The following ENOX1 variants were observed in gnomAD, a reference collection of about 807,000 sequenced individuals.
The protein encoded by ENOX1 is candidate growth-related and time keeping constitutive hydroquinone (NADH) oxidase.
A neutral mutation model predicts 82.5 loss-of-function variants in ENOX1; 42 were observed. That is an observed-to-expected ratio of 0.51 (90% CI 0.40 to 0.66). ENOX1 has a LOEUF of 0.66. ENOX1 is among the 30% of genes least tolerant of loss of function. ENOX1 has a pLI of 0.00. For synonymous variants in ENOX1, 271 were observed against 282.2 expected (o/e 0.96, Z 0.40); for missense variants, 608 against 811.6 (o/e 0.75, Z 3.05).
At chr13:43,491,119 G>A (rs965306227) in intron 2 of ENOX1, among the ~76,000 whole-genome samples, 1 of 152,166 alleles carries the variant, frequency 6.6e-6, no homozygotes, top group Non-Finnish European at 1.5e-5. Flanking sequence ...TACTATCATG[G>A]TGGAAGGCAA....
Position 43,214,132 on chromosome 13 carries a change from G to A in ENOX1, c.1801-11C>T. ...TTCATTTGCAGATATCTGTTAGAAA[G>A]GAAGGAAAGTCACTTTGGGGAAAGG... On this transcript the variant is annotated splice_polypyrimidine_tract_variant and intron_variant, in intron 16 of 16. Coordinates refer to ENST00000690772, the MANE Select transcript of ENOX1 (RefSeq NM_001347969.2). The A allele has an allele frequency of 6.2e-7, 1 of 1,610,856 alleles. No homozygotes were observed. The highest frequency in any genetic ancestry group is 1.1e-5 in the South Asian group (1 of 90,452).
intron 3 of ENOX1, among the ~76,000 whole-genome samples, chr13:43,456,859 T>C (rs1330884623): frequency 1.3e-5 from 2 of 152,206 alleles, no homozygotes; most frequent in South Asian, 2.1e-4. Context: ...TCATGACTCC[T>C]AAGCCTCCAC....
At chr13:43,246,744 T>C (rs1034471223) in intron 14 of ENOX1, among the ~76,000 whole-genome samples, 2 of 151,998 alleles carry the variant, frequency 1.3e-5, no homozygotes, top group African/African-American at 4.8e-5. Flanking sequence ...ACATGCAGGA[T>C]TGGCTGGGCA....
At chr13:43,308,663 C>A (rs1393971652) in intron 11 of ENOX1, among the ~76,000 whole-genome samples, 1 of 152,180 alleles carries the variant, frequency 6.6e-6, no homozygotes, top group African/African-American at 2.4e-5. Context: ...CTTTGTGCAG[C>A]GAATCACCTG....
At chr13:43,265,065 G>A (rs948211144) in intron 14 of ENOX1, among the ~76,000 whole-genome samples, 4 of 152,132 alleles carry the variant, frequency 2.6e-5, no homozygotes, top group African/African-American at 7.2e-5. Context: ...CATGCAATGC[G>A]CAACTGATTA....
intron 2 of ENOX1, among the ~76,000 whole-genome samples, chr13:43,566,995 T>G (rs2079948356): frequency 6.6e-6 from 1 of 152,194 alleles, no homozygotes; most frequent in East Asian, 1.9e-4. Context: ...CAATGAGCCC[T>G]CCCAGAGGAA....
chr13:43,619,495 T>C (rs568726763), intron 2 of ENOX1, among the ~76,000 whole-genome samples: 1 of 152,254 alleles, frequency 6.6e-6, no homozygotes, highest in East Asian at 1.9e-4. Context: ...TTTTTTTGCA[T>C]CTATTTAAAT....
At chr13:43,425,235 A>T in intron 3 of ENOX1, among the ~76,000 whole-genome samples, 1 of 152,092 alleles carries the variant, frequency 6.6e-6, no homozygotes, top group African/African-American at 2.4e-5. Context: ...TGGTTATCTC[A>T]GCAGGCCCTC....
At chr13:43,419,360 C>G (rs2054836886) in intron 3 of ENOX1, among the ~76,000 whole-genome samples, 1 of 151,940 alleles carries the variant, frequency 6.6e-6, no homozygotes, top group Non-Finnish European at 1.5e-5. Context: ...GGCTGGGCAA[C>G]ATAGGGCGAT....
chr13:43,366,282 C>CA (rs2153563905), intron 5 of ENOX1, among the ~76,000 whole-genome samples: 1 of 148,968 alleles, frequency 6.7e-6, no homozygotes, highest in African/African-American at 2.5e-5. Context: ...GGCTGACCAG[C>CA]TTTTTTTTTT....
At chr13:43,563,724 G>A (rs1166709549) in intron 2 of ENOX1, among the ~76,000 whole-genome samples, 1 of 152,064 alleles carries the variant, frequency 6.6e-6, no homozygotes, top group South Asian at 2.1e-4. Context: ...ATGAGCCACT[G>A]TATGCCAATA....
chr13:43,616,252 G>A (rs2082474263), intron 2 of ENOX1, among the ~76,000 whole-genome samples: 1 of 128,730 alleles, frequency 7.8e-6, no homozygotes, highest in South Asian at 2.9e-4. Flanking sequence ...GCCCAGGCTG[G>A]AGTGCAGTGG....
intron 5 of ENOX1, among the ~76,000 whole-genome samples, chr13:43,370,549 C>T (rs145840891): frequency 5.1e-4 from 77 of 152,278 alleles, no homozygotes; most frequent in African/African-American, 1.8e-3. Context: ...ATTTTCCCTG[C>T]TCCCTCTCAC....
chr13:43,649,667 T>TC (rs2084063199), intron 2 of ENOX1, among the ~76,000 whole-genome samples: 1 of 152,138 alleles, frequency 6.6e-6, no homozygotes, highest in Non-Finnish European at 1.5e-5. Flanking sequence ...TGACATAGCA[T>TC]CAATCCATTT....
chr13:43,336,340 A>G (rs947185503), intron 9 of ENOX1, among the ~76,000 whole-genome samples: 1 of 152,238 alleles, frequency 6.6e-6, no homozygotes, highest in Admixed American at 6.5e-5. Flanking sequence ...CTTAGCACAC[A>G]ACTTGACACT....
intron 7 of ENOX1, among the ~76,000 whole-genome samples, chr13:43,359,494 A>G (rs1439956835): frequency 6.6e-6 from 1 of 152,220 alleles, no homozygotes; most frequent in East Asian, 1.9e-4. Context: ...TCCACTTCCA[A>G]AAACCTGAAA....
chr13:43,275,540 C>A (rs1269572042), intron 12 of ENOX1, among the ~76,000 whole-genome samples: 1 of 151,640 alleles, frequency 6.6e-6, no homozygotes, highest in East Asian at 1.9e-4. Context: ...TAAACTAACA[C>A]AAGGTAGATA....
At chr13:43,489,440 A>T (rs951909071) in intron 2 of ENOX1, among the ~76,000 whole-genome samples, 4 of 152,186 alleles carry the variant, frequency 2.6e-5, no homozygotes, top group African/African-American at 7.2e-5. Flanking sequence ...GCTTCCGCCT[A>T]GATTTCAAAG....
chr13:43,568,058 A>G (rs1016552799), intron 2 of ENOX1, among the ~76,000 whole-genome samples: 1 of 152,214 alleles, frequency 6.6e-6, no homozygotes, highest in Non-Finnish European at 1.5e-5. Flanking sequence ...TGATCTCTAA[A>G]CTTTCAAAGC....
Sources: allele counts gnomAD v4.1 joint callset (sites outside exome capture counted in the v4.1 genomes callset), GRCh38; gene constraint gnomAD v4.1.1; transcripts MANE v1.5; gene names NCBI Gene and HGNC (gene_info 2026-07-23, HGNC 2026-07-21).